DSCAM: variants seen among roughly 807,000 people sequenced by gnomAD.
DSCAM encodes DS cell adhesion molecule, also known as cell adhesion molecule DSCAM.
Under a neutral mutation model 217.7 loss-of-function variants are expected in DSCAM, and 47 were observed. That is an observed-to-expected ratio of 0.22 (90% confidence interval 0.17 to 0.28). DSCAM has a LOEUF of 0.28. DSCAM is among the 10% of genes least tolerant of loss of function. The probability of loss-of-function intolerance (pLI) is 1.00; values close to 1 mark genes in which losing one functional copy is unlikely to be tolerated. For synonymous variants in DSCAM, 1,056 were observed against 1,015.3 expected, an observed-to-expected ratio of 1.04 and a Z score of -0.76; for missense variants, 2,080 against 2,618.3, an observed-to-expected ratio of 0.79 and a Z score of 4.49.
At position 40,233,617 on chromosome 21, in the gene DSCAM, A is replaced by G. The variant is rs2091401277; in HGVS notation, c.2356+42480T>C. 2.0e-5 allele frequency among the ~76,000 whole-genome samples: 3 copies of G among 151,916 alleles called. No individual in the cohort carries two copies. In the South Asian group the frequency reaches 6.2e-4, roughly 32 times the overall value. The stretch of plus-strand genomic sequence containing the variant: ...CTGTCCTTCTCCTCCACATGGACAC[A>G]CTCCCTCATGCTCATCCCTGCCCTC... On this transcript the variant is annotated intron_variant, in intron 11 of 32. Transcript: ENST00000400454.
intron 9 of DSCAM, among the ~76,000 whole-genome samples, chr21:40,309,332 A>G (rs892620880): frequency 6.6e-6 from 1 of 152,176 alleles, no homozygotes; most frequent in African/African-American, 2.4e-5. Context: ...TAAACCAGTG[A>G]CCAACTCTTG....
At chr21:40,742,088 G>A (rs1442213911) in intron 1 of DSCAM, among the ~76,000 whole-genome samples, 1 of 152,182 alleles carries the variant, frequency 6.6e-6, no homozygotes, top group South Asian at 2.1e-4. Flanking sequence ...AACCTAGACA[G>A]TCACATGCGA....
intron 1 of DSCAM, among the ~76,000 whole-genome samples, chr21:40,741,680 T>C (rs2146543753): frequency 6.6e-6 from 1 of 152,352 alleles, no homozygotes; most frequent in East Asian, 1.9e-4. Context: ...TAGATTCACC[T>C]GGATACTTCT....
intron 3 of DSCAM, among the ~76,000 whole-genome samples, chr21:40,521,828 C>A (rs2076361625): frequency 6.6e-6 from 1 of 152,032 alleles, no homozygotes. Context: ...GTACGCACAT[C>A]TCAAAATAGC....
intron 3 of DSCAM, among the ~76,000 whole-genome samples, chr21:40,578,112 T>C (rs1378688280): frequency 2.0e-5 from 3 of 152,148 alleles, no homozygotes; most frequent in Admixed American, 1.3e-4. Context: ...GGTGAGTATA[T>C]AGGAACAGAA....
intron 3 of DSCAM, among the ~76,000 whole-genome samples, chr21:40,414,692 T>C (rs2075354488): frequency 6.6e-6 from 1 of 152,228 alleles, no homozygotes; most frequent in Non-Finnish European, 1.5e-5. Flanking sequence ...CAGTTAGCTA[T>C]ATAGGTATGT....
At chr21:40,631,524 A>T (rs2089691204) in intron 3 of DSCAM, among the ~76,000 whole-genome samples, 1 of 152,200 alleles carries the variant, frequency 6.6e-6, no homozygotes, top group Admixed American at 6.5e-5. Flanking sequence ...GCACCCCTGC[A>T]ACCCAATAAG....
intron 3 of DSCAM, among the ~76,000 whole-genome samples, chr21:40,453,561 T>C (rs1167238910): frequency 6.6e-6 from 1 of 152,200 alleles, no homozygotes; most frequent in Non-Finnish European, 1.5e-5. Flanking sequence ...CCACTGCCCA[T>C]GTCCTGATCC....
chr21:40,624,410 G>T (rs575877410), intron 3 of DSCAM, among the ~76,000 whole-genome samples: 33 of 152,156 alleles, frequency 2.2e-4, no homozygotes, highest in Non-Finnish European at 4.3e-4. Context: ...CAGCACTGCT[G>T]TAAGATCGGA....
intron 3 of DSCAM, among the ~76,000 whole-genome samples, chr21:40,380,649 A>G (rs920770456): frequency 6.6e-6 from 1 of 152,216 alleles, no homozygotes; most frequent in East Asian, 1.9e-4. Flanking sequence ...CACAGAAGGT[A>G]GGAAGATAAG....
chr21:40,062,854 A>G lies in DSCAM; in HGVS notation c.4919+15T>C, dbSNP rs1390554180. On this transcript the variant is annotated intron_variant, in intron 28 of 32. Transcript: ENST00000400454. ...TTTCAAACATGATATCTGGGGTGCT[A>G]GGTCTTGTTCTTACCTCATGAGCAT... is the stretch of plus-strand genomic sequence containing the variant. The G allele has an allele frequency of 5.7e-6, 9 of 1,583,278 alleles. No individual in the cohort carries two copies. Among genetic ancestry groups the G allele is most frequent in the Admixed American group, 1.9e-5 (1 of 52,338 alleles).
chr21:40,584,522 A>G (rs962323436), intron 3 of DSCAM, among the ~76,000 whole-genome samples: 2 of 152,182 alleles, frequency 1.3e-5, no homozygotes, highest in African/African-American at 2.4e-5. Context: ...GAGGGTGCCC[A>G]TGGCGATGTG....
intron 3 of DSCAM, among the ~76,000 whole-genome samples, chr21:40,553,953 C>CA (rs1157241358): frequency 1.3e-5 from 2 of 152,008 alleles, no homozygotes; most frequent in Non-Finnish European, 2.9e-5. Context: ...GAGGAGGAAA[C>CA]AAAAAATCCC....
At chr21:40,229,875 T>C (rs1415716175) in intron 11 of DSCAM, among the ~76,000 whole-genome samples, 1 of 152,200 alleles carries the variant, frequency 6.6e-6, no homozygotes, top group Non-Finnish European at 1.5e-5. Context: ...GGTGTACAAT[T>C]GCTGGATCCT....
chr21:40,102,137 C>T (rs906528554), intron 20 of DSCAM, among the ~76,000 whole-genome samples: 2 of 152,100 alleles, frequency 1.3e-5, no homozygotes, highest in African/African-American at 4.8e-5. Context: ...CCAATTCCTA[C>T]TAAAATTTAG....
In DSCAM at chr21:40,013,258, G is replaced by A. The variant is rs768695940; in HGVS notation, c.5815C>T (p.Arg1939Cys). The A allele has an allele frequency of 3.1e-6, 5 of 1,613,770 alleles. No individual in the cohort carries two copies. Among genetic ancestry groups the A allele is most frequent in the Admixed American group, 3.3e-5 (2 of 59,974 alleles). The change falls in exon 33 of 33, where the codon CGC becomes TGC. Residue 1939 changes from arginine (R) to cysteine (C), a missense_variant. By Grantham distance (180) the Arg-to-Cys change is radical. Around this residue, in one of 5 missense-constraint regions of DSCAM, gnomAD observed 145 missense variants for 138.5 expected, o/e 1.05. Transcript: ENST00000400454. Reference sequence around the variant, plus strand: ...GGGATGGGCTCCAGGACCGTGGGGCGCTTCAGGGTCCGGCTTTTCTGAGGT... The same window carrying A: ...GGGATGGGCTCCAGGACCGTGGGGCACTTCAGGGTCCGGCTTTTCTGAGGT... ...LEPQKSRTLKRPTVLEPIPME... is the reference protein window; with the variant it reads ...LEPQKSRTLKCPTVLEPIPME...
chr21:40,174,251 G>A (rs530827076), intron 15 of DSCAM, among the ~76,000 whole-genome samples: 1 of 152,306 alleles, frequency 6.6e-6, no homozygotes, highest in South Asian at 2.1e-4. Context: ...ATTCTCTGAG[G>A]TCGAGTGTAT....
chr21:40,442,348 A>T (rs2075637553), intron 3 of DSCAM, among the ~76,000 whole-genome samples: 2 of 151,728 alleles, frequency 1.3e-5, no homozygotes, highest in Admixed American at 6.6e-5. Flanking sequence ...CATCAGAGTG[A>T]TTTTATTTTT....
intron 3 of DSCAM, among the ~76,000 whole-genome samples, chr21:40,374,780 C>G (rs1337537412): frequency 4.6e-5 from 7 of 152,168 alleles, no homozygotes; most frequent in Admixed American, 2.6e-4. Context: ...CCTGTGGGAT[C>G]GCAGTGAGAA....
Sources: gnomAD v4.1 joint callset for allele counts (sites outside exome capture counted in the v4.1 genomes callset) on GRCh38, gnomAD v4.1.1 for gene constraint, gnomAD v4.1.1 regional missense constraint, MANE v1.5 for transcripts, NCBI Gene and HGNC (gene_info 2026-07-23, HGNC 2026-07-21) for gene names.